The following FYB1 variants were observed in gnomAD, a reference collection of about 807,000 sequenced individuals.
FYB1 encodes the protein FYN-binding protein 1.
Under a neutral mutation model 94.1 loss-of-function variants are expected in FYB1, and 41 were observed. The ratio of observed to expected loss-of-function variants is 0.44; its 90% CI spans 0.34 to 0.57. The LOEUF (loss-of-function observed/expected upper bound fraction) is 0.57, where lower values mean the gene tolerates loss of function less well. Among genes scored for constraint, FYB1 ranks in the 20% least tolerant of loss-of-function variants. The probability of loss-of-function intolerance (pLI) is 0.02; values close to 1 mark genes in which losing one functional copy is unlikely to be tolerated. For synonymous variants in FYB1, 367 were observed against 353.2 expected (o/e 1.04, Z -0.44); for missense variants, 1,050 against 976.8 (o/e 1.07, Z -1.00).
At chr5:39,208,667 G>C (rs1380834318) in intron 1 of FYB1, among the ~76,000 whole-genome samples, 1 of 152,168 alleles carries the variant, frequency 6.6e-6, no homozygotes, top group African/African-American at 2.4e-5. Flanking sequence ...CAGAAAGCCA[G>C]CCCTCGTCCT....
intron 1 of FYB1, among the ~76,000 whole-genome samples, chr5:39,265,986 T>C (rs1752422555): frequency 6.6e-6 from 1 of 151,798 alleles, no homozygotes; most frequent in African/African-American, 2.4e-5. Flanking sequence ...CTGTTTTTTT[T>C]TTTTTTTACT....
intron 3 of FYB1, among the ~76,000 whole-genome samples, chr5:39,148,154 TTTATATATATATATATATA>T (rs1290959327): frequency 2.4e-4 from 10 of 41,922 alleles, no homozygotes; most frequent in African/African-American, 2.0e-3. Context: ...ATATGTATTT[TTTATATATATATATATATA>T]TATATATATA....
At chr5:39,122,015 T>G (rs1740164536) in intron 14 of FYB1, among the ~76,000 whole-genome samples, 1 of 151,800 alleles carries the variant, frequency 6.6e-6, no homozygotes, top group South Asian at 2.1e-4. Context: ...ATTTCCCCAG[T>G]GAATGAATGA....
chr5:39,106,739 G>A lies in FYB1; in HGVS notation c.*704C>T, dbSNP rs1760398281. Reference sequence around the variant, plus strand: ...AACAGAGCACAGAATTAAACCATTAGTATGTGAATCTGCAAAAAGAGAACT... The same window carrying A: ...AACAGAGCACAGAATTAAACCATTAATATGTGAATCTGCAAAAAGAGAACT... On this transcript the variant is annotated 3_prime_UTR_variant, in exon 19 of 19. Coordinates refer to ENST00000512982, the MANE Select transcript of FYB1 (RefSeq NM_001465.6). 6.6e-6 allele frequency: 1 copy of A among 151,992 alleles called. No homozygotes were observed. Among genetic ancestry groups the A allele is most frequent in the Non-Finnish European group, 1.5e-5 (1 of 67,938 alleles). 9.4% of individuals were successfully genotyped at this position (151,992 alleles called of 1,614,324 possible). A position where few individuals can be genotyped will look rare whatever the true frequency, so the allele number is the denominator to read the frequency against.
intron 2 of FYB1, among the ~76,000 whole-genome samples, chr5:39,178,958 C>T (rs1414234517): frequency 1.3e-5 from 2 of 152,178 alleles, no homozygotes; most frequent in Non-Finnish European, 2.9e-5. Context: ...CCCTGGCTTT[C>T]CGCGGGCTGG....
intron 1 of FYB1, among the ~76,000 whole-genome samples, chr5:39,251,968 C>A (rs1004263256): frequency 2.6e-5 from 4 of 151,950 alleles, no homozygotes; most frequent in Non-Finnish European, 4.4e-5. Flanking sequence ...CACGGTGAAA[C>A]CCCATCTCTA....
At chr5:39,238,207 T>A (rs141198492) in intron 1 of FYB1, among the ~76,000 whole-genome samples, 166 of 152,182 alleles carry the variant, frequency 1.1e-3, no homozygotes, top group African/African-American at 3.8e-3. Flanking sequence ...AAGTTCTGCA[T>A]GTATATGTGT....
At position 39,160,377 on chromosome 5, in the gene FYB1, C is replaced by T. The variant is rs910847689; in HGVS notation, c.1136-6773G>A. ...AATAAACAAACAGAAACCACTTTTTCCTCAAATTAGTCATGTCTAATCCTA... is the reference window on the plus strand; with the variant it reads ...AATAAACAAACAGAAACCACTTTTTTCTCAAATTAGTCATGTCTAATCCTA... On this transcript the variant is annotated intron_variant, in intron 2 of 18. Coordinates refer to ENST00000512982, the MANE Select transcript of FYB1 (RefSeq NM_001465.6). Among the ~76,000 whole-genome samples the T allele has an allele frequency of 2.0e-5, 3 of 152,158 alleles. No homozygotes were observed. The South Asian group carries it at 6.2e-4, about 32-fold the overall frequency.
At chr5:39,176,341 G>GTA (rs1745732776) in intron 2 of FYB1, among the ~76,000 whole-genome samples, 2 of 151,588 alleles carry the variant, frequency 1.3e-5, no homozygotes, top group African/African-American at 4.8e-5. Context: ...AGTAGATACA[G>GTA]GGTTTCACCA....
At chr5:39,111,107 T>G (rs181374549) in intron 16 of FYB1, among the ~76,000 whole-genome samples, 1 of 151,990 alleles carries the variant, frequency 6.6e-6, no homozygotes, top group Admixed American at 6.6e-5. Flanking sequence ...GTTGTTGTTG[T>G]GTGAGGGGCA....
intron 1 of FYB1, among the ~76,000 whole-genome samples, chr5:39,272,560 T>C (rs1752696078): frequency 6.8e-6 from 1 of 146,866 alleles, no homozygotes; most frequent in Non-Finnish European, 1.5e-5. Context: ...TAGTCCCAGC[T>C]AGTCGGGAGG....
chr5:39,119,529 A>C lies in FYB1; in HGVS notation c.2238+6T>G, dbSNP rs1739885630. 1 of 1,519,250 alleles carries C rather than the reference A, an allele frequency of 6.6e-7. No homozygotes were observed. The highest frequency in any genetic ancestry group is 2.5e-5 in the East Asian group (1 of 40,450). 94.1% of individuals were successfully genotyped at this position (1,519,250 alleles called of 1,614,324 possible). A position where few individuals can be genotyped will look rare whatever the true frequency, so the allele number is the denominator to read the frequency against. On this transcript the variant is annotated splice_donor_region_variant and intron_variant, in intron 15 of 18. Transcript: ENST00000512982. ...GTACTTTGTATAATATTTAGATATG[A>C]CATACTTTAAATTTTTTCCTGAAGT... is the stretch of plus-strand genomic sequence containing the variant.
chr5:39,184,895 T>A (rs1371064021), intron 2 of FYB1, among the ~76,000 whole-genome samples: 1 of 152,172 alleles, frequency 6.6e-6, no homozygotes, highest in African/African-American at 2.4e-5. Flanking sequence ...AGAAATTATA[T>A]GTATTTTATA....
intron 2 of FYB1, among the ~76,000 whole-genome samples, chr5:39,159,742 C>T (rs937498274): frequency 3.3e-5 from 5 of 152,200 alleles, no homozygotes; most frequent in African/African-American, 1.2e-4. Flanking sequence ...CACATTCTAA[C>T]AATGGCATTT....
chr5:39,124,174 A>T (rs1469974573), intron 13 of FYB1, 79 bp downstream of exon 13: 3 of 944,562 alleles, frequency 3.2e-6, no homozygotes, highest in Non-Finnish European at 4.7e-6. Flanking sequence ...TTTAATGCAG[A>T]TACTATATCC....
At chr5:39,251,478 T>C (rs1425650982) in intron 1 of FYB1, among the ~76,000 whole-genome samples, 1 of 152,160 alleles carries the variant, frequency 6.6e-6, no homozygotes, top group Non-Finnish European at 1.5e-5. Flanking sequence ...GGCTGCTCTC[T>C]ACTCCCTGGC....
intron 11 of FYB1, among the ~76,000 whole-genome samples, 196 bp downstream of exon 11, chr5:39,127,545 A>G (rs1286424338): frequency 1.3e-5 from 2 of 152,076 alleles, no homozygotes; most frequent in African/African-American, 4.8e-5. Context: ...GTTCTTCCAA[A>G]CAATCAAACA....
At chr5:39,242,169 T>C (rs1357340660) in intron 1 of FYB1, among the ~76,000 whole-genome samples, 1 of 152,174 alleles carries the variant, frequency 6.6e-6, no homozygotes, top group Non-Finnish European at 1.5e-5. Flanking sequence ...CTTTAAGTTC[T>C]AGGGTACATA....
rs765243439 is a variant in FYB1 at position 39,202,391 on chromosome 5, C to T, written c.570G>A (p.Lys190=). The change falls in exon 2 of 19, where the codon AAG becomes AAA. Residue 190 remains lysine (K), a synonymous_variant. Transcript: ENST00000512982. Reference sequence around the variant, plus strand: ...CAAAGGCGGGTTTGGGGAAGAGGGGCTTGGGTTCAAGATCTTGTGATGCTG... The same window carrying T: ...CAAAGGCGGGTTTGGGGAAGAGGGGTTTGGGTTCAAGATCTTGTGATGCTG... ...FMSASQDLEP[K]PLFPKPAFGQ... 98 of 1,613,888 alleles carry T rather than the reference C, an allele frequency of 6.1e-5. No homozygotes were observed. The East Asian group carries it at 2.1e-3, about 34-fold the overall frequency.
Sources: gnomAD v4.1 joint callset for allele counts (sites outside exome capture counted in the v4.1 genomes callset) on GRCh38, gnomAD v4.1.1 for gene constraint, MANE v1.5 for transcripts, NCBI Gene and HGNC (gene_info 2026-07-23, HGNC 2026-07-21) for gene names.